Variants in BRDT observed in about 807,000 individuals in gnomAD.
BRDT encodes bromodomain testis associated.
BRDT carries 77 observed loss-of-function variants against 113.9 expected under a neutral mutation model. The ratio of observed to expected loss-of-function variants is 0.68; its 90% CI spans 0.56 to 0.82. BRDT has a LOEUF of 0.82. Ranked by LOEUF, BRDT falls within the 40% of genes least tolerant of loss-of-function variation. The pLI, the probability that BRDT is intolerant of heterozygous loss-of-function variation, is 0.00. For synonymous variants in BRDT, 358 were observed against 366.5 expected (o/e 0.98, Z 0.26); for missense variants, 1,027 against 1,105.4 (o/e 0.93, Z 1.01).
At chr1:92,012,298 G>GA (rs377056596) in intron 18 of BRDT, among the ~76,000 whole-genome samples, 11,139 of 104,212 alleles carry the variant, frequency 0.11, 433 homozygotes, top group African/African-American at 0.14. Context: ...ACTCCATCTA[G>GA]AAAAAAAAAA....
intron 15 of BRDT, among the ~76,000 whole-genome samples, chr1:91,994,462 A>C (rs999404925): frequency 6.6e-6 from 1 of 152,144 alleles, no homozygotes; most frequent in African/African-American, 2.4e-5. Flanking sequence ...TATTTAAAAG[A>C]AAGAAAATTA....
At chr1:91,992,806 G>A (rs553212362) in intron 14 of BRDT, among the ~76,000 whole-genome samples, 2 of 152,174 alleles carry the variant, frequency 1.3e-5, no homozygotes, top group Non-Finnish European at 2.9e-5. Context: ...AAAGTGCTGG[G>A]ATTACAGGCG....
chr1:91,999,846 T>C (rs1426403537), intron 15 of BRDT, among the ~76,000 whole-genome samples: 2 of 152,242 alleles, frequency 1.3e-5, no homozygotes, highest in Non-Finnish European at 2.9e-5. Flanking sequence ...AACACAGCCA[T>C]GTAAAAACTG....
chr1:91,974,362 G>A (rs1441541762), intron 4 of BRDT, among the ~76,000 whole-genome samples: 1 of 152,068 alleles, frequency 6.6e-6, no homozygotes, highest in East Asian at 1.9e-4. Flanking sequence ...TACAAAATGG[G>A]AGAAAATTTT....
rs1681443714 is a variant in BRDT at position 91,954,033 on chromosome 1, A to G, written c.-38+4351A>G. On this transcript the variant is annotated intron_variant, in intron 1 of 18. Coordinates refer to ENST00000399546, the MANE Select transcript of BRDT (RefSeq NM_207189.4). ...GTTGCCCAGGCTAGAGTACAGTGGC[A>G]TGATCTCAGCTCACTGCAACCTCCC... is the stretch of plus-strand genomic sequence containing the variant. 2.0e-5 allele frequency among the ~76,000 whole-genome samples: 3 copies of G among 151,898 alleles called. No homozygotes were observed. The South Asian group carries it at 6.2e-4, about 32-fold the overall frequency.
At chr1:91,991,322 A>G in intron 13 of BRDT, 77 bp downstream of exon 13, 1 of 712,256 alleles carries the variant, frequency 1.4e-6, no homozygotes, top group Non-Finnish European at 2.1e-6. Flanking sequence ...TTTCTTTAAA[A>G]TTGTTTTCAA....
chr1:91,974,891 A>G (rs1013643616), intron 4 of BRDT, among the ~76,000 whole-genome samples: 8 of 152,256 alleles, frequency 5.3e-5, no homozygotes, highest in African/African-American at 1.9e-4. Flanking sequence ...CCAAATGTCC[A>G]ACAATGATAG....
At chr1:91,987,791 A>G (rs538002921) in intron 12 of BRDT, among the ~76,000 whole-genome samples, 2 of 152,240 alleles carry the variant, frequency 1.3e-5, no homozygotes, top group East Asian at 3.9e-4. Flanking sequence ...GATAGGTATT[A>G]AGTAAACTCT....
chr1:91,985,865 C>A (rs1478892024), intron 12 of BRDT, among the ~76,000 whole-genome samples: 1 of 150,866 alleles, frequency 6.6e-6, no homozygotes, highest in Admixed American at 6.6e-5. Context: ...GTCTCGATCT[C>A]CTGACCTCGT....
In BRDT at chr1:91,962,953, A is replaced by G; in HGVS notation, c.192+7A>G. ...TGTGAAACTACAGTTGCCTGTATGTATGTCTTCAACTATGTTAGTTTCAAA... is the reference window on the plus strand; with the variant it reads ...TGTGAAACTACAGTTGCCTGTATGTGTGTCTTCAACTATGTTAGTTTCAAA... On this transcript the variant is annotated splice_region_variant and intron_variant, in intron 2 of 18. Coordinates refer to ENST00000399546, the MANE Select transcript of BRDT (RefSeq NM_207189.4). The G allele has an allele frequency of 6.4e-7, 1 of 1,559,384 alleles. No homozygotes were observed. Among genetic ancestry groups the G allele is most frequent in the Non-Finnish European group, 8.6e-7 (1 of 1,156,164 alleles).
chr1:91,967,256 A>G (rs1416501986), intron 3 of BRDT, among the ~76,000 whole-genome samples: 3 of 151,352 alleles, frequency 2.0e-5, no homozygotes, highest in Non-Finnish European at 4.4e-5. Flanking sequence ...TTTTTTTAAG[A>G]CGGAGTTTTC....
chr1:91,963,454 G>T (rs561688829), intron 2 of BRDT, among the ~76,000 whole-genome samples: 2 of 152,254 alleles, frequency 1.3e-5, no homozygotes, highest in South Asian at 4.1e-4. Flanking sequence ...GTGATAAATT[G>T]TAATACATGT....
rs989024578 is a variant in BRDT at position 91,962,472 on chromosome 1, T to G, written c.-37-246T>G. ...CCTCACCCTCCTAAGTAGCTTAGAT[T>G]ACAGGCATGCACTACCACCTCTGGC... On this transcript the variant is annotated intron_variant, in intron 1 of 18. Transcript: ENST00000399546. 3.9e-5 allele frequency among the ~76,000 whole-genome samples: 6 copies of G among 152,064 alleles called. No homozygotes were observed. In the South Asian group the frequency reaches 6.2e-4, roughly 16 times the overall value.
intron 4 of BRDT, among the ~76,000 whole-genome samples, chr1:91,970,970 GAA>G (rs1411855513): frequency 6.7e-6 from 1 of 149,222 alleles, no homozygotes; most frequent in Non-Finnish European, 1.5e-5. Flanking sequence ...AATTTACAAA[GAA>G]AAGAGGTTTA....
At chr1:91,983,210 ACT>A (rs1041012078) in intron 12 of BRDT, among the ~76,000 whole-genome samples, 3 of 151,386 alleles carry the variant, frequency 2.0e-5, no homozygotes, top group African/African-American at 7.3e-5. Context: ...TGCAATATAT[ACT>A]CTCTGTTTTT....
intron 15 of BRDT, 23 bp from the exon 16 acceptor site, chr1:92,002,026 A>T: frequency 1.3e-6 from 2 of 1,512,076 alleles, no homozygotes; most frequent in Non-Finnish European, 1.8e-6. Context: ...TAATTATACT[A>T]TTCTAAAAAT....
intron 3 of BRDT, among the ~76,000 whole-genome samples, chr1:91,966,607 C>T (rs1421705528): frequency 6.6e-6 from 1 of 152,158 alleles, no homozygotes; most frequent in East Asian, 1.9e-4. Context: ...AGGGTCCTTT[C>T]AGATGTAATA....
At chr1:91,971,385 G>T (rs184779488) in intron 4 of BRDT, among the ~76,000 whole-genome samples, 1 of 152,192 alleles carries the variant, frequency 6.6e-6, no homozygotes, top group African/African-American at 2.4e-5. Flanking sequence ...GAATAGGTAG[G>T]ATTTGGCTTC....
intron 15 of BRDT, among the ~76,000 whole-genome samples, chr1:91,995,868 C>G (rs984003609): frequency 2.0e-5 from 3 of 151,936 alleles, no homozygotes; most frequent in African/African-American, 4.8e-5. Flanking sequence ...GAACTCTTGA[C>G]CTCAGATGAT....
Sources: gnomAD v4.1 joint callset for allele counts (sites outside exome capture counted in the v4.1 genomes callset) on GRCh38, gnomAD v4.1.1 for gene constraint, MANE v1.5 for transcripts, NCBI Gene and HGNC (gene_info 2026-07-23, HGNC 2026-07-21) for gene names.